The following ZMIZ2 variants were observed in gnomAD, a reference collection of about 807,000 sequenced individuals.
The protein encoded by ZMIZ2 is zinc finger MIZ-type containing 2, also known as zinc finger MIZ domain-containing protein 2.
Under a neutral mutation model 93.9 loss-of-function variants are expected in ZMIZ2, and 26 were observed. That is an observed-to-expected ratio of 0.28 (90% confidence interval 0.20 to 0.38). The LOEUF is 0.38. Among genes scored for constraint, ZMIZ2 ranks in the 10% least tolerant of loss-of-function variants. The pLI, the probability that ZMIZ2 is intolerant of heterozygous loss-of-function variation, is 1.00. For synonymous variants in ZMIZ2, 485 were observed against 516.4 expected (o/e 0.94, Z 0.82); for missense variants, 1,023 against 1,235.0 (o/e 0.83, Z 2.57).
chr7:44,759,853 C>A, intron 7 of ZMIZ2: 2 of 503,302 alleles, frequency 4.0e-6, no homozygotes, highest in East Asian at 3.7e-5. Context: ...GGCCATGTAC[C>A]CTTTCTGGGT....
At position 44,750,844 on chromosome 7, in the gene ZMIZ2, G is replaced by A. The variant is rs187247006; in HGVS notation, c.-63+1853G>A. On this transcript the variant is annotated intron_variant, in intron 1 of 18. Coordinates refer to ENST00000309315, the MANE Select transcript of ZMIZ2 (RefSeq NM_031449.4). ...AGCGCCAGGCACTAAGACCCTTGGT[G>A]GGCATGGGCCTTGCATGATCTGGGA... The A allele has an allele frequency of 2.4e-3, 362 of 152,316 alleles. 1 individual carries two copies. The highest frequency in any genetic ancestry group is 8.2e-3 in the African/African-American group (340 of 41,558). 9.4% of individuals were successfully genotyped at this position (152,316 alleles called of 1,614,324 possible). A position where few individuals can be genotyped will look rare whatever the true frequency, so the allele number is the denominator to read the frequency against.
At chr7:44,753,242 T>G (rs1790311905) in intron 1 of ZMIZ2, among the ~76,000 whole-genome samples, 1 of 152,050 alleles carries the variant, frequency 6.6e-6, no homozygotes, top group South Asian at 2.1e-4. Flanking sequence ...GAGAATTCTT[T>G]TTTTGTTTTG....
At chr7:44,754,753 T>C (rs1435498698) in intron 1 of ZMIZ2, among the ~76,000 whole-genome samples, 1 of 152,096 alleles carries the variant, frequency 6.6e-6, no homozygotes, top group Non-Finnish European at 1.5e-5. Context: ...ACGCCTCAGG[T>C]GGCATGTCTG....
chr7:44,759,231 G>A (rs1464006591), intron 6 of ZMIZ2, 50 bp from the exon 7 acceptor site: 2 of 1,434,950 alleles, frequency 1.4e-6, no homozygotes, highest in Admixed American at 2.6e-5. Flanking sequence ...TCTGGAACCA[G>A]CTCCCCTGAT....
At chr7:44,753,205 ATTTTAAT>A (rs1216561982) in intron 1 of ZMIZ2, among the ~76,000 whole-genome samples, 4 of 112,482 alleles carry the variant, frequency 3.6e-5, no homozygotes, top group Admixed American at 1.0e-4. Flanking sequence ...GGAGTTTTTA[ATTTTAAT>A]TTTTTTTTTT....
intron 6 of ZMIZ2, 28 bp downstream of exon 6, chr7:44,758,136 G>A: frequency 2.0e-6 from 3 of 1,506,496 alleles, no homozygotes; most frequent in South Asian, 2.7e-5. Context: ...CTAGTTTGGG[G>A]CCTTGGGTAC....
In ZMIZ2 at chr7:44,766,423, G is replaced by A. The variant is rs1430484527; in HGVS notation, c.2415G>A (p.Met805Ile). ...CAAATTCTTCTCTCTGTCTTCAGAT[G>A]GCACCAGCAGGTCACCTGGACCCCA... ...EKSTACLPSQ[M>I]APAGHLDPTH... Residue 805 changes from methionine (M) to isoleucine (I), a missense_variant and splice_region_variant, in exon 18 of 19, where the codon ATG becomes ATA. Around this residue, in one of 3 missense-constraint regions of ZMIZ2, gnomAD observed 319 missense variants for 358.8 expected, o/e 0.89. Transcript: ENST00000309315. The surrounding 1 kb of genome is among the most constrained non-coding windows in gnomAD (Gnocchi z 4.4). 1 of 1,614,116 alleles carries A rather than the reference G, an allele frequency of 6.2e-7. No individual in the cohort carries two copies. Among genetic ancestry groups the A allele is most frequent in the Non-Finnish European group, 8.5e-7 (1 of 1,180,010 alleles).
rs142559371 is a variant in ZMIZ2, at chr7:44,765,065, G to C, written c.1997+56G>C. The C allele has an allele frequency of 6.2e-7, 1 of 1,602,468 alleles. No homozygotes were observed. Among genetic ancestry groups the C allele is most frequent in the Non-Finnish European group, 8.5e-7 (1 of 1,170,062 alleles). On this transcript the variant is annotated intron_variant, in intron 15 of 18. Transcript: ENST00000309315. This position sits in a 1 kb window ranked among gnomAD's most constrained non-coding sequence, Gnocchi z 4.1. ...CTGTGGCCACTGGAGGGCAGCCCCA[G>C]GACATGTCGGGGGATGTCCCTTGCC...
At chr7:44,764,563 C>A in intron 14 of ZMIZ2, 77 bp downstream of exon 14, 3 of 1,497,720 alleles carry the variant, frequency 2.0e-6, no homozygotes, top group Non-Finnish European at 2.8e-6. Flanking sequence ...CCTCCAACAG[C>A]ATCATCAAAG....
intron 14 of ZMIZ2, 121 bp downstream of exon 14, chr7:44,764,607 C>T: frequency 1.7e-6 from 2 of 1,170,806 alleles, no homozygotes; most frequent in Non-Finnish European, 2.5e-6. Flanking sequence ...ACTGCATGGA[C>T]TGGGGTTGTG....
chr7:44,750,994 G>A (rs996298152), intron 1 of ZMIZ2: 4 of 152,276 alleles, frequency 2.6e-5, no homozygotes, highest in African/African-American at 7.2e-5. Context: ...AAGGATACCA[G>A]ACCTGGAGAC....
rs1203855999 is a variant in ZMIZ2 at position 44,766,272 on chromosome 7, A to G, written c.2351A>G (p.Gln784Arg). 3.9e-6 allele frequency: 6 copies of G among 1,553,414 alleles called. No individual in the cohort carries two copies. The South Asian group carries it at 6.8e-5, about 18-fold the overall frequency. The change falls in exon 17 of 19, where the codon CAG (glutamine) becomes CGG (arginine). Residue 784 changes from glutamine to arginine, a missense_variant. By Grantham distance (43) the Gln-to-Arg change is conservative. Around this residue, in one of 3 missense-constraint regions of ZMIZ2, gnomAD observed 319 missense variants for 358.8 expected, o/e 0.89. Transcript: ENST00000309315. This position sits in a 1 kb window ranked among gnomAD's most constrained non-coding sequence, Gnocchi z 4.4. ...FTPGPPPISY[Q>R]SDIPSSLLTS... ...CCGGGACCACCCCCCATCTCCTACC[A>G]GTCTGACATTCCCAGCAGCCTCCTG...
chr7:44,758,054 G>A lies in ZMIZ2; in HGVS notation c.759G>A (p.Gly253=), dbSNP rs188802504. The A allele has an allele frequency of 1.9e-4, 308 of 1,603,364 alleles. No homozygotes were observed. The highest frequency in any genetic ancestry group is 6.9e-4 in the Admixed American group (40 of 58,292). The change falls in exon 6 of 19, where the codon GGG becomes GGA. Residue 253 remains glycine, a synonymous_variant. Coordinates refer to ENST00000309315, the MANE Select transcript of ZMIZ2 (RefSeq NM_031449.4). ...GQRLPQHGYP[G]PPQAQPLPRQ... is the part of the protein sequence containing the mutation. ...GTCTGCCCCAACATGGGTATCCTGG[G>A]CCTCCCCAGGCCCAGCCACTGCCCC...
Position 44,766,541 on chromosome 7 carries a change from C to T in ZMIZ2, c.2533C>T (p.Arg845Trp), listed in dbSNP as rs746352345. 25 of 1,613,954 alleles carry T rather than the reference C, an allele frequency of 1.5e-5. No individual in the cohort carries two copies. The highest frequency in any genetic ancestry group is 3.3e-5 in the Admixed American group (2 of 60,008). Residue 845 changes from arginine to tryptophan, a missense_variant, in exon 18 of 19, where the codon CGG (arginine) becomes TGG (tryptophan). Physicochemically the swap from Arg to Trp is moderately radical, Grantham distance 101. Around this residue, in one of 3 missense-constraint regions of ZMIZ2, gnomAD observed 319 missense variants for 358.8 expected, o/e 0.89. Transcript: ENST00000309315. This position sits in a 1 kb window ranked among gnomAD's most constrained non-coding sequence, Gnocchi z 4.4. ...CCATTCAAACCCTCCCCCAGCGTCCCGGCAGTCCTTGGGCCAAGCGAGCTT... is the reference window on the plus strand; with the variant it reads ...CCATTCAAACCCTCCCCCAGCGTCCTGGCAGTCCTTGGGCCAAGCGAGCTT... ...LHHSNPPPAS[R>W]QSLGQASLGP... is the part of the protein sequence containing the mutation.
chr7:44,761,301 A>C lies in ZMIZ2; in HGVS notation c.1241-148A>C. On this transcript the variant is annotated intron_variant, in intron 9 of 18. Transcript: ENST00000309315. The surrounding 1 kb of genome is among the most constrained non-coding windows in gnomAD (Gnocchi z 5.8). ...TGGCCCCAGCCCCAGGGCACCACTC[A>C]GGCCTGCCAAGCAGTGCCTGACAGG... 7.7e-7 allele frequency: 1 copy of C among 1,292,692 alleles called. No homozygotes were observed. Among genetic ancestry groups the C allele is most frequent in the Non-Finnish European group, 1.0e-6 (1 of 960,952 alleles). 80.1% of individuals were successfully genotyped at this position (1,292,692 alleles called of 1,614,324 possible). A position where few individuals can be genotyped will look rare whatever the true frequency, so the allele number is the denominator to read the frequency against.
At position 44,765,189 on chromosome 7, in the gene ZMIZ2, G is replaced by A. The variant is rs1317214300; in HGVS notation, c.1998-146G>A. The A allele has an allele frequency of 8.1e-6, 12 of 1,483,880 alleles. No homozygotes were observed. Among genetic ancestry groups the A allele is most frequent in the South Asian group, 3.8e-5 (3 of 78,566 alleles). 91.9% of individuals were successfully genotyped at this position (1,483,880 alleles called of 1,614,324 possible). A position where few individuals can be genotyped will look rare whatever the true frequency, so the allele number is the denominator to read the frequency against. On this transcript the variant is annotated intron_variant, in intron 15 of 18. Transcript: ENST00000309315. This position sits in a 1 kb window ranked among gnomAD's most constrained non-coding sequence, Gnocchi z 4.1. ...CCTGAGTGTTGGTGCTGGGCCCAGC[G>A]TCCTGCTCGATGTGGAAGGTGCTGG...
intron 11 of ZMIZ2, 137 bp downstream of exon 11, chr7:44,762,042 A>T (rs919904136): frequency 3.4e-6 from 4 of 1,163,696 alleles, no homozygotes; most frequent in African/African-American, 1.7e-5. Context: ...GAGCCAGGAC[A>T]TGGGCGGGCC....
Position 44,765,800 on chromosome 7 carries a change from G to A in ZMIZ2, c.2242+221G>A. On this transcript the variant is annotated intron_variant, in intron 16 of 18. Transcript: ENST00000309315. The surrounding 1 kb of genome is among the most constrained non-coding windows in gnomAD (Gnocchi z 4.1). Reference sequence around the variant, plus strand: ...CAGCTATGGTCCCAGGAAACAGACAGTGGGGCCTCCACCCTTCCTTCCCCG... The same window carrying A: ...CAGCTATGGTCCCAGGAAACAGACAATGGGGCCTCCACCCTTCCTTCCCCG... The A allele has an allele frequency of 2.0e-6, 2 of 996,004 alleles. No homozygotes were observed. The highest frequency in any genetic ancestry group is 2.8e-6 in the Non-Finnish European group (2 of 702,332). 61.7% of individuals were successfully genotyped at this position (996,004 alleles called of 1,614,324 possible). A position where few individuals can be genotyped will look rare whatever the true frequency, so the allele number is the denominator to read the frequency against.
At chr7:44,751,029 C>A (rs1008575141) in intron 1 of ZMIZ2, 3 of 152,120 alleles carry the variant, frequency 2.0e-5, no homozygotes, top group African/African-American at 7.3e-5. Flanking sequence ...GAGAGACTGT[C>A]CTCAGAGAGG....
Sources: allele counts gnomAD v4.1 joint callset (sites outside exome capture counted in the v4.1 genomes callset), GRCh38; gene constraint gnomAD v4.1.1; regional missense constraint gnomAD v4.1.1; non-coding constraint Gnocchi (gnomAD v3.1); transcripts MANE v1.5; gene names NCBI Gene and HGNC (gene_info 2026-07-23, HGNC 2026-07-21).